The following DMXL1 variants were observed in gnomAD, a reference collection of about 807,000 sequenced individuals.
The protein encoded by DMXL1 is Dmx like 1, also known as dmX-like protein 1.
In DMXL1, 99 loss-of-function variants were observed where a neutral mutation model predicts 319.2. The ratio of observed to expected loss-of-function variants is 0.31; its 90% CI spans 0.26 to 0.37. The LOEUF is 0.37. Among genes scored for constraint, DMXL1 ranks in the 10% least tolerant of loss-of-function variants. The pLI is 1.00. For missense variants in DMXL1, 3,745 were observed against 3,595.6 expected (o/e 1.04, Z -1.06); for synonymous variants, 1,385 against 1,235.2 (o/e 1.12, Z -2.54).
At chr5:119,190,974 A>C (rs983239395) in intron 29 of DMXL1, among the ~76,000 whole-genome samples, 1 of 152,236 alleles carries the variant, frequency 6.6e-6, no homozygotes, top group Non-Finnish European at 1.5e-5. Context: ...ATTGCTATTC[A>C]AACTACTCTT....
intron 7 of DMXL1, among the ~76,000 whole-genome samples, chr5:119,118,498 A>G (rs1290961953): frequency 6.6e-6 from 1 of 152,128 alleles, no homozygotes; most frequent in Non-Finnish European, 1.5e-5. Context: ...TAATCCCAGG[A>G]TGAGGCGGGA....
At chr5:119,196,765 A>G (rs547200325) in intron 31 of DMXL1, among the ~76,000 whole-genome samples, 3 of 152,310 alleles carry the variant, frequency 2.0e-5, no homozygotes, top group Admixed American at 1.3e-4. Flanking sequence ...AGCAAATGCA[A>G]AAGCTAGCAA....
intron 19 of DMXL1, among the ~76,000 whole-genome samples, chr5:119,163,797 G>A (rs1412440008): frequency 6.6e-6 from 1 of 152,086 alleles, no homozygotes; most frequent in African/African-American, 2.4e-5. Context: ...GGATGGTCTC[G>A]ATCTCCTGAC....
intron 10 of DMXL1, among the ~76,000 whole-genome samples, chr5:119,129,899 A>G (rs1471412799): frequency 2.0e-5 from 3 of 152,240 alleles, no homozygotes; most frequent in African/African-American, 7.2e-5. Flanking sequence ...AAGCATAGCT[A>G]TTTGTCAGCT....
At chr5:119,184,733 A>G (rs183708017) in intron 28 of DMXL1, among the ~76,000 whole-genome samples, 2 of 152,246 alleles carry the variant, frequency 1.3e-5, no homozygotes, top group East Asian at 3.9e-4. Flanking sequence ...GGAATTATAT[A>G]GTGTTTTGTC....
intron 21 of DMXL1, 80 bp downstream of exon 21, chr5:119,165,360 G>A: frequency 1.4e-6 from 1 of 722,784 alleles, no homozygotes; most frequent in South Asian, 1.9e-5. Context: ...AGTAAGATTT[G>A]TTGTTCTTGT....
At chr5:119,244,118 A>G (rs1347328720) in intron 42 of DMXL1, among the ~76,000 whole-genome samples, 1 of 151,914 alleles carries the variant, frequency 6.6e-6, no homozygotes, top group Non-Finnish European at 1.5e-5. Flanking sequence ...TGGTCAGGAA[A>G]CTCTAAGTAG....
Position 119,197,721 on chromosome 5 carries a change from A to G in DMXL1, c.7544-34A>G, listed in dbSNP as rs773401549. ...AAAATTGAATATGGCATTTTACTGC[A>G]TAAGATTAATATGAGTCAATGTTCC... is the stretch of plus-strand genomic sequence containing the variant. On this transcript the variant is annotated intron_variant, in intron 31 of 43. Coordinates refer to ENST00000539542, the MANE Select transcript of DMXL1 (RefSeq NM_001290321.3). 3.9e-5 allele frequency: 62 copies of G among 1,596,560 alleles called. 2 individuals are homozygous for G. Among genetic ancestry groups the G allele is most frequent in the Non-Finnish European group, 4.6e-5 (53 of 1,164,740 alleles).
rs77220211 is a variant in DMXL1 at position 119,169,210 on chromosome 5, A to T, written c.5399-980A>T. On this transcript the variant is annotated intron_variant, in intron 23 of 43. Coordinates refer to ENST00000539542, the MANE Select transcript of DMXL1 (RefSeq NM_001290321.3). ...ACTTTCTTATACTTAACACATATTC[A>T]TGTAAAAATTGTATTTTGATTTGGG... 4.8e-3 allele frequency among the ~76,000 whole-genome samples: 729 copies of T among 152,328 alleles called. 6 individuals are homozygous for T. The highest frequency in any genetic ancestry group is 0.017 in the African/African-American group (691 of 41,560).
intron 1 of DMXL1, among the ~76,000 whole-genome samples, chr5:119,094,170 A>G (rs1235177078): frequency 6.6e-6 from 1 of 152,248 alleles, no homozygotes; most frequent in African/African-American, 2.4e-5. Flanking sequence ...GATGCCATCT[A>G]GGCCTTTCAT....
intron 37 of DMXL1, 32 bp from the exon 38 acceptor site, chr5:119,224,677 A>G (rs1785216869): frequency 7.5e-6 from 6 of 804,692 alleles, no homozygotes; most frequent in Admixed American, 2.9e-5. Context: ...CCTTTTTATT[A>G]TGCCTATAAA....
chr5:119,202,879 ATATT>A (rs1418927810), intron 32 of DMXL1, among the ~76,000 whole-genome samples: 3 of 109,644 alleles, frequency 2.7e-5, no homozygotes, highest in Admixed American at 9.6e-5. Context: ...ATATATATAT[ATATT>A]TTTATATATA....
intron 4 of DMXL1, 34 bp from the exon 5 acceptor site, chr5:119,110,117 C>G: frequency 6.5e-7 from 1 of 1,548,098 alleles, no homozygotes. Flanking sequence ...TATTAAATAC[C>G]TAAATAATAA....
intron 29 of DMXL1, among the ~76,000 whole-genome samples, chr5:119,193,416 A>G (rs183999652): frequency 1.7e-4 from 26 of 152,192 alleles, no homozygotes; most frequent in South Asian, 1.0e-3. Context: ...TAGTTCTCGT[A>G]CTTTTCAAAG....
intron 1 of DMXL1, 141 bp from the exon 2 acceptor site, chr5:119,097,836 ATT>A: frequency 1.4e-6 from 1 of 707,358 alleles, no homozygotes. Flanking sequence ...CCAAATGTAG[ATT>A]TTTTTTTTAA....
intron 39 of DMXL1, 93 bp downstream of exon 39, chr5:119,233,560 G>C (rs1474712461): frequency 1.0e-6 from 1 of 997,758 alleles, no homozygotes; most frequent in Admixed American, 2.1e-5. Flanking sequence ...CAGCTCCGTG[G>C]GTAGTAGTAA....
chr5:119,190,552 G>T (rs1274398688), intron 29 of DMXL1, among the ~76,000 whole-genome samples: 2 of 152,118 alleles, frequency 1.3e-5, no homozygotes, highest in South Asian at 2.1e-4. Context: ...ATATGATAGT[G>T]TACAAAATTG....
At chr5:119,184,982 C>T (rs939806494) in intron 28 of DMXL1, among the ~76,000 whole-genome samples, 11 of 152,228 alleles carry the variant, frequency 7.2e-5, no homozygotes, top group African/African-American at 2.4e-4. Flanking sequence ...GAAGACATTA[C>T]CTTATCCATA....
At chr5:119,223,361 G>T (rs748124331) in intron 37 of DMXL1, among the ~76,000 whole-genome samples, 59 of 152,098 alleles carry the variant, frequency 3.9e-4, no homozygotes, top group Non-Finnish European at 5.4e-4. Flanking sequence ...CCTGCCTTAA[G>T]TTGTCTTTTT....
Sources: gnomAD v4.1 joint callset for allele counts (sites outside exome capture counted in the v4.1 genomes callset) on GRCh38, gnomAD v4.1.1 for gene constraint, MANE v1.5 for transcripts, NCBI Gene and HGNC (gene_info 2026-07-23, HGNC 2026-07-21) for gene names.